The following HPSE2 variants were observed in gnomAD, a reference collection of about 807,000 sequenced individuals.
The protein encoded by HPSE2 is inactive heparanase-2.
In HPSE2, 38 loss-of-function variants were observed where a neutral mutation model predicts 60.5. That is an observed-to-expected ratio of 0.63 (90% CI 0.48 to 0.82). The LOEUF (loss-of-function observed/expected upper bound fraction) is 0.82, where lower values mean the gene tolerates loss of function less well. Ranked by LOEUF, HPSE2 falls within the 40% of genes least tolerant of loss-of-function variation. The probability of loss-of-function intolerance (pLI) is 0.00; values close to 1 mark genes in which losing one functional copy is unlikely to be tolerated. For missense variants in HPSE2, 713 were observed against 740.4 expected, an observed-to-expected ratio of 0.96 and a Z score of 0.43; for synonymous variants, 295 against 293.2, an observed-to-expected ratio of 1.01 and a Z score of -0.06.
intron 9 of HPSE2, among the ~76,000 whole-genome samples, chr10:98,500,488 A>G (rs1165015391): frequency 6.6e-6 from 1 of 152,214 alleles, no homozygotes; most frequent in Non-Finnish European, 1.5e-5. Flanking sequence ...GACAATAATG[A>G]CACAACCTGT....
chr10:99,145,291 C>T (rs1479406886), intron 2 of HPSE2, among the ~76,000 whole-genome samples: 1 of 151,980 alleles, frequency 6.6e-6, no homozygotes, highest in Non-Finnish European at 1.5e-5. Context: ...CCTGTATCTA[C>T]TAAAAATACA....
chr10:98,761,162 C>T (rs10883191), intron 3 of HPSE2, among the ~76,000 whole-genome samples: 1 of 151,712 alleles, frequency 6.6e-6, no homozygotes, highest in African/African-American at 2.4e-5. Context: ...GTAACATCCC[C>T]TTTTTCCTTT....
At chr10:99,280,093 T>C in the HPSE2 span, among the ~76,000 whole-genome samples, 1 of 152,232 alleles carries the variant, frequency 6.6e-6, no homozygotes, top group African/African-American at 2.4e-5. Flanking sequence ...TGTATGACCT[T>C]GGACAAGTCT....
rs1208078537 is a variant in HPSE2, at chr10:98,940,265, A to G, written c.611-196209T>C. On this transcript the variant is annotated intron_variant, in intron 3 of 11. Coordinates refer to ENST00000370552, the MANE Select transcript of HPSE2 (RefSeq NM_021828.5). ...AAATGAAGGAAATAGAGACACAAAAAACCCTTCAAAAAATTAATGAATCCA... is the reference window on the plus strand; with the variant it reads ...AAATGAAGGAAATAGAGACACAAAAGACCCTTCAAAAAATTAATGAATCCA... Among the ~76,000 whole-genome samples, 3 of 143,942 alleles carry G rather than the reference A, an allele frequency of 2.1e-5. 1 individual carries two copies. Among genetic ancestry groups the G allele is most frequent in the Admixed American group, 2.1e-4 (3 of 14,460 alleles). The allele number at this position is 143,942 out of a possible 152,430, so 94.4% of individuals were successfully genotyped here.
intron 3 of HPSE2, among the ~76,000 whole-genome samples, chr10:99,076,022 TA>T (rs1382192045): frequency 7.2e-5 from 11 of 152,316 alleles, no homozygotes; most frequent in Non-Finnish European, 1.0e-4. Context: ...ACATGTAATG[TA>T]ACCACTGATA....
chr10:98,524,809 A>C (rs1404090543), intron 9 of HPSE2, among the ~76,000 whole-genome samples: 4 of 152,232 alleles, frequency 2.6e-5, no homozygotes, highest in Admixed American at 6.5e-5. Context: ...GTAATTTTGC[A>C]TATAACAAAT....
chr10:98,928,709 A>G (rs1245514684), intron 3 of HPSE2, among the ~76,000 whole-genome samples: 1 of 136,602 alleles, frequency 7.3e-6, no homozygotes, highest in African/African-American at 3.1e-5. Context: ...AAAATTGGAA[A>G]TCATCATTCT....
chr10:99,026,550 G>A (rs1027876733), intron 3 of HPSE2, among the ~76,000 whole-genome samples: 2 of 152,130 alleles, frequency 1.3e-5, no homozygotes, highest in African/African-American at 4.8e-5. Flanking sequence ...CACACTTTCA[G>A]CATTGGACAG....
At chr10:98,585,241 G>T (rs1482741537) in intron 9 of HPSE2, among the ~76,000 whole-genome samples, 1 of 150,712 alleles carries the variant, frequency 6.6e-6, no homozygotes, top group African/African-American at 2.4e-5. Flanking sequence ...TACCAAAAGC[G>T]CTTCTTTATT....
intron 11 of HPSE2, chr10:98,461,847 A>C: frequency 6.6e-7 from 1 of 1,523,702 alleles, no homozygotes; most frequent in Admixed American, 1.8e-5. Flanking sequence ...ACGTGTGATT[A>C]GCAAACCTTT....
At chr10:99,167,079 T>C (rs1847114187) in intron 2 of HPSE2, among the ~76,000 whole-genome samples, 1 of 152,070 alleles carries the variant, frequency 6.6e-6, no homozygotes, top group Non-Finnish European at 1.5e-5. Context: ...GGCGTAATCT[T>C]GACCCACTGC....
At chr10:98,541,246 T>C (rs1487027307) in intron 9 of HPSE2, among the ~76,000 whole-genome samples, 1 of 152,218 alleles carries the variant, frequency 6.6e-6, no homozygotes, top group Admixed American at 6.5e-5. Flanking sequence ...TGAAATGTAC[T>C]GCATAAGACA....
At chr10:98,556,701 G>A (rs1050664647) in intron 9 of HPSE2, among the ~76,000 whole-genome samples, 10 of 152,194 alleles carry the variant, frequency 6.6e-5, no homozygotes, top group Admixed American at 1.3e-4. Flanking sequence ...ATTATGGAAT[G>A]AAAGACTCAA....
intron 4 of HPSE2, 82 bp from the exon 5 acceptor site, chr10:98,721,910 T>C: frequency 8.8e-7 from 1 of 1,132,956 alleles, no homozygotes; most frequent in Non-Finnish European, 1.3e-6. Context: ...TCTCTCTGCC[T>C]TTTTCTTAAT....
At chr10:98,618,339 T>C (rs1028926698) in intron 8 of HPSE2, among the ~76,000 whole-genome samples, 1 of 152,174 alleles carries the variant, frequency 6.6e-6, no homozygotes, top group African/African-American at 2.4e-5. Flanking sequence ...ACTTCCTCCA[T>C]GAAGGTCTGC....
At chr10:99,101,933 C>T (rs1366446961) in intron 3 of HPSE2, among the ~76,000 whole-genome samples, 1 of 152,094 alleles carries the variant, frequency 6.6e-6, no homozygotes, top group Non-Finnish European at 1.5e-5. Flanking sequence ...TCTTTGAAAC[C>T]AATGAGAACA....
intron 3 of HPSE2, among the ~76,000 whole-genome samples, chr10:99,025,355 AC>A (rs921030145): frequency 6.1e-4 from 93 of 152,158 alleles, no homozygotes; most frequent in Non-Finnish European, 1.2e-3. Flanking sequence ...CTGGGTATAT[AC>A]CCAGAGGAAT....
At chr10:98,461,558 C>T (rs913200150) in intron 11 of HPSE2, among the ~76,000 whole-genome samples, 6 of 152,318 alleles carry the variant, frequency 3.9e-5, no homozygotes, top group African/African-American at 9.6e-5. Context: ...AAAAGAAGCC[C>T]AGATGGGTCT....
chr10:99,263,249 T>C, the HPSE2 span, among the ~76,000 whole-genome samples: 2 of 152,160 alleles, frequency 1.3e-5, no homozygotes, highest in African/African-American at 4.8e-5. Flanking sequence ...TATGCTATAG[T>C]ATCTTCCACA....
Sources: allele counts gnomAD v4.1 joint callset (sites outside exome capture counted in the v4.1 genomes callset), GRCh38; gene constraint gnomAD v4.1.1; transcripts MANE v1.5; gene names NCBI Gene and HGNC (gene_info 2026-07-23, HGNC 2026-07-21).